BICC1: variants seen among roughly 807,000 people sequenced by gnomAD.
BICC1 encodes protein bicaudal C homolog 1.
BICC1 carries 43 observed loss-of-function variants against 111.0 expected under a neutral mutation model. That is an observed-to-expected ratio of 0.39 (90% CI 0.30 to 0.50). BICC1 has a LOEUF of 0.50. BICC1 is among the 20% of genes least tolerant of loss of function. BICC1 has a pLI of 0.88. For synonymous variants in BICC1, 467 were observed against 434.4 expected (o/e 1.07, Z -0.93); for missense variants, 1,091 against 1,203.2 (o/e 0.91, Z 1.38).
intron 2 of BICC1, among the ~76,000 whole-genome samples, chr10:58,622,383 T>A (rs1845846258): frequency 6.6e-6 from 1 of 152,220 alleles, no homozygotes; most frequent in African/African-American, 2.4e-5. Flanking sequence ...ATGGTGTATA[T>A]GATCATAAAG....
intron 3 of BICC1, among the ~76,000 whole-genome samples, chr10:58,773,686 T>C (rs1796886059): frequency 6.6e-6 from 1 of 152,300 alleles, no homozygotes; most frequent in Non-Finnish European, 1.5e-5. Context: ...AAAGACAGAA[T>C]AGCCCCAGGG....
intron 1 of BICC1, among the ~76,000 whole-genome samples, chr10:58,579,406 T>C (rs1239929564): frequency 2.0e-5 from 3 of 152,224 alleles, no homozygotes; most frequent in Non-Finnish European, 2.9e-5. Context: ...AAACTAGAAT[T>C]GTCTTCACCA....
chr10:58,683,596 C>G (rs1441405369), intron 2 of BICC1, among the ~76,000 whole-genome samples: 1 of 152,154 alleles, frequency 6.6e-6, no homozygotes. Context: ...AGGTCCTTCA[C>G]AAACTTTTAA....
At chr10:58,592,431 G>A (rs1844650127) in intron 1 of BICC1, among the ~76,000 whole-genome samples, 1 of 151,962 alleles carries the variant, frequency 6.6e-6, no homozygotes, top group Admixed American at 6.6e-5. Flanking sequence ...AATTCCTCTG[G>A]GCCAGTCGCA....
At chr10:58,770,996 C>CT (rs972226775) in intron 3 of BICC1, among the ~76,000 whole-genome samples, 2 of 152,190 alleles carry the variant, frequency 1.3e-5, no homozygotes, top group Non-Finnish European at 2.9e-5. Flanking sequence ...AAAGACACTG[C>CT]TAAGCCCATT....
At chr10:58,562,949 C>G (rs1006345410) in intron 1 of BICC1, among the ~76,000 whole-genome samples, 4 of 152,136 alleles carry the variant, frequency 2.6e-5, no homozygotes, top group African/African-American at 9.7e-5. Flanking sequence ...TGGGGCCTGC[C>G]AGGCAGGCTG....
At chr10:58,587,366 A>G (rs926582541) in intron 1 of BICC1, among the ~76,000 whole-genome samples, 2 of 152,188 alleles carry the variant, frequency 1.3e-5, no homozygotes, top group Non-Finnish European at 2.9e-5. Flanking sequence ...ACATCTGTCC[A>G]TTTGGAAAGC....
intron 1 of BICC1, among the ~76,000 whole-genome samples, chr10:58,535,580 G>A (rs1842804286): frequency 6.6e-6 from 1 of 151,720 alleles, no homozygotes; most frequent in African/African-American, 2.4e-5. Flanking sequence ...GCTAAAAGGA[G>A]TTCTAAATCT....
intron 1 of BICC1, among the ~76,000 whole-genome samples, chr10:58,535,356 T>G (rs1284448982): frequency 6.6e-6 from 1 of 150,870 alleles, no homozygotes; most frequent in African/African-American, 2.4e-5. Flanking sequence ...GGTAACCTAT[T>G]AAGGAAAACC....
intron 2 of BICC1, among the ~76,000 whole-genome samples, chr10:58,639,093 T>G (rs1838041154): frequency 6.6e-6 from 1 of 152,182 alleles, no homozygotes; most frequent in South Asian, 2.1e-4. Flanking sequence ...TAAGAACACC[T>G]AAAATCTACT....
chr10:58,590,623 A>G (rs1390962161), intron 1 of BICC1, among the ~76,000 whole-genome samples: 2 of 152,182 alleles, frequency 1.3e-5, no homozygotes, highest in Non-Finnish European at 2.9e-5. Flanking sequence ...TATTTGAAAG[A>G]CAGAAGCTTG....
intron 2 of BICC1, among the ~76,000 whole-genome samples, chr10:58,630,507 C>T (rs1837759882): frequency 6.6e-6 from 1 of 152,094 alleles, no homozygotes; most frequent in African/African-American, 2.4e-5. Flanking sequence ...TAGCTCACTA[C>T]AGCCTAGAAC....
chr10:58,540,093 C>T (rs1224508389), intron 1 of BICC1, among the ~76,000 whole-genome samples: 1 of 151,786 alleles, frequency 6.6e-6, no homozygotes, highest in East Asian at 1.9e-4. Flanking sequence ...GAAAACACAA[C>T]ATAGCACAAC....
rs570545381 is a variant in BICC1, at chr10:58,616,146, A to G, written c.191-4709A>G. ...GAAAAGGAATTAGAGGCTGCTGTGA[A>G]TGCAGGCCTGGGGCTGTCGTCTCAG... On this transcript the variant is annotated intron_variant, in intron 1 of 20. Transcript: ENST00000373886. Among the ~76,000 whole-genome samples the G allele has an allele frequency of 2.0e-5, 3 of 152,254 alleles. No homozygotes were observed. In the East Asian group the frequency reaches 5.8e-4, roughly 30 times the overall value.
intron 1 of BICC1, among the ~76,000 whole-genome samples, chr10:58,583,582 CTCTGTGTGTG>C (rs1355648802): frequency 0.014 from 960 of 69,606 alleles, 12 homozygotes; most frequent in African/African-American, 0.043. Context: ...TATTCTCTCT[CTCTGTGTGTG>C]TGTGTGTGTG....
At chr10:58,623,531 A>C (rs1845892506) in intron 2 of BICC1, among the ~76,000 whole-genome samples, 1 of 152,226 alleles carries the variant, frequency 6.6e-6, no homozygotes, top group Admixed American at 6.5e-5. Context: ...AAAAATCCCC[A>C]AAACCCCAAC....
intron 1 of BICC1, among the ~76,000 whole-genome samples, chr10:58,518,590 T>TG (rs1241638049): frequency 0.013 from 450 of 35,150 alleles, 3 homozygotes; most frequent in Middle Eastern, 0.019. Context: ...ATGTGTGTGT[T>TG]GGGGGGGGGG....
intron 2 of BICC1, among the ~76,000 whole-genome samples, chr10:58,642,748 A>G (rs1439058549): frequency 6.6e-6 from 1 of 151,748 alleles, no homozygotes; most frequent in African/African-American, 2.4e-5. Context: ...TCTGCCACCC[A>G]GGTTGGAGTG....
At chr10:58,726,503 G>A (rs181133727) in intron 3 of BICC1, among the ~76,000 whole-genome samples, 15 of 152,322 alleles carry the variant, frequency 9.8e-5, no homozygotes, top group Admixed American at 7.2e-4. Flanking sequence ...CATCTTCACA[G>A]TGCTTAGAGC....
Sources: allele counts gnomAD v4.1 joint callset (sites outside exome capture counted in the v4.1 genomes callset), GRCh38; gene constraint gnomAD v4.1.1; transcripts MANE v1.5; gene names NCBI Gene and HGNC (gene_info 2026-07-23, HGNC 2026-07-21).